The following STAU2 variants were observed in gnomAD, a reference collection of about 807,000 sequenced individuals.
STAU2 encodes staufen double-stranded RNA binding protein 2, also known as double-stranded RNA-binding protein Staufen homolog 2.
A neutral mutation model predicts 65.9 loss-of-function variants in STAU2; 20 were observed. The observed-to-expected ratio is 0.30, with a 90% CI of 0.21 to 0.44. The LOEUF is 0.44. Among genes scored for constraint, STAU2 ranks in the 20% least tolerant of loss-of-function variants. The pLI is 1.00. For missense variants in STAU2, 558 were observed against 683.9 expected (o/e 0.82, Z 2.05); for synonymous variants, 232 against 233.9 (o/e 0.99, Z 0.07).
intron 13 of STAU2, among the ~76,000 whole-genome samples, chr8:73,520,015 C>G (rs1043532997): frequency 6.6e-6 from 1 of 152,154 alleles, no homozygotes; most frequent in Non-Finnish European, 1.5e-5. Context: ...TCTGACAGAA[C>G]AATTAAAATT....
intron 9 of STAU2, among the ~76,000 whole-genome samples, chr8:73,607,720 A>T (rs535299899): frequency 6.6e-6 from 1 of 150,704 alleles, no homozygotes; most frequent in Non-Finnish European, 1.5e-5. Context: ...CTGGGCAACA[A>T]GAGCGAAACT....
chr8:73,453,412 G>A (rs1172543597), intron 13 of STAU2, among the ~76,000 whole-genome samples: 1 of 152,230 alleles, frequency 6.6e-6, no homozygotes, highest in East Asian at 1.9e-4. Context: ...ATCATTTGAT[G>A]TTACAAACAA....
intron 13 of STAU2, among the ~76,000 whole-genome samples, chr8:73,471,962 G>A (rs1820060552): frequency 6.6e-6 from 1 of 152,152 alleles, no homozygotes; most frequent in African/African-American, 2.4e-5. Flanking sequence ...GTGGAAGAGG[G>A]ACTTTCAGAT....
chr8:73,669,893 T>C (rs914942479), intron 6 of STAU2, among the ~76,000 whole-genome samples: 3 of 152,170 alleles, frequency 2.0e-5, no homozygotes, highest in African/African-American at 7.2e-5. Context: ...TTAAAAGTAA[T>C]AAATTCACTA....
chr8:73,711,925 G>T (rs1306957299), intron 3 of STAU2, among the ~76,000 whole-genome samples: 1 of 152,018 alleles, frequency 6.6e-6, no homozygotes, highest in Non-Finnish European at 1.5e-5. Flanking sequence ...TTTAAAAAGG[G>T]ATTAAAACAA....
chr8:73,648,822 T>C (rs1292507456), intron 6 of STAU2, among the ~76,000 whole-genome samples: 1 of 152,228 alleles, frequency 6.6e-6, no homozygotes, highest in Non-Finnish European at 1.5e-5. Flanking sequence ...TTTTTGTTTT[T>C]TAGAGACACA....
chr8:73,522,388 C>A (rs1353202636), intron 13 of STAU2, among the ~76,000 whole-genome samples: 8 of 152,130 alleles, frequency 5.3e-5, no homozygotes, highest in Admixed American at 3.3e-4. Flanking sequence ...AAGTATGTTG[C>A]TTTTAATAAC....
chr8:73,469,494 T>C (rs1236462387), intron 13 of STAU2, among the ~76,000 whole-genome samples: 1 of 148,440 alleles, frequency 6.7e-6, no homozygotes, highest in African/African-American at 2.5e-5. Flanking sequence ...AAAGAAAGTG[T>C]GTCTGGATGG....
intron 6 of STAU2, among the ~76,000 whole-genome samples, chr8:73,660,028 TA>T (rs1027903753): frequency 6.6e-6 from 1 of 151,942 alleles, no homozygotes; most frequent in African/African-American, 2.4e-5. Flanking sequence ...TCAATAGCAT[TA>T]AAAAAAAGTG....
intron 12 of STAU2, among the ~76,000 whole-genome samples, chr8:73,561,904 A>G (rs879699479): frequency 6.6e-6 from 1 of 152,198 alleles, no homozygotes; most frequent in Non-Finnish European, 1.5e-5. Context: ...CCTAAGACAC[A>G]GGTGATATGA....
chr8:73,524,811 A>G (rs954315525), intron 13 of STAU2, among the ~76,000 whole-genome samples: 4 of 152,168 alleles, frequency 2.6e-5, no homozygotes, highest in East Asian at 3.9e-4. Flanking sequence ...ATGTTTCCCT[A>G]TTTACTAGCA....
At chr8:73,520,143 T>C (rs927721523) in intron 13 of STAU2, among the ~76,000 whole-genome samples, 3 of 152,190 alleles carry the variant, frequency 2.0e-5, no homozygotes, top group Non-Finnish European at 1.5e-5. Context: ...TGGGTATAAG[T>C]ACAGGGTGAA....
chr8:73,704,771 C>T lies in STAU2; in HGVS notation c.114+4261G>A, dbSNP rs541100967. On this transcript the variant is annotated intron_variant, in intron 4 of 14. Coordinates refer to ENST00000524300, the MANE Select transcript of STAU2 (RefSeq NM_001164380.2). ...GCAACCTCCGCCTCCCAGGTTCAAG[C>T]AATTCTCCTGCCTCAGCCTCCCGAG... Among the ~76,000 whole-genome samples the T allele has an allele frequency of 7.2e-5, 11 of 152,260 alleles. No homozygotes were observed. In the South Asian group the frequency reaches 2.3e-3, roughly 32 times the overall value.
chr8:73,552,864 G>A (rs1807437678), intron 12 of STAU2, among the ~76,000 whole-genome samples: 1 of 152,128 alleles, frequency 6.6e-6, no homozygotes, highest in South Asian at 2.1e-4. Context: ...AAGCAAATGG[G>A]TATCATCTCA....
At chr8:73,468,584 A>G (rs1421587347) in intron 13 of STAU2, among the ~76,000 whole-genome samples, 3 of 152,348 alleles carry the variant, frequency 2.0e-5, no homozygotes, top group African/African-American at 7.2e-5. Context: ...TCCAGAATCT[A>G]CAAAGAACTC....
At chr8:73,524,524 T>C (rs936112604) in intron 13 of STAU2, among the ~76,000 whole-genome samples, 2 of 152,178 alleles carry the variant, frequency 1.3e-5, no homozygotes, top group Non-Finnish European at 2.9e-5. Flanking sequence ...ATGCACCAGG[T>C]AATGTATTCA....
intron 6 of STAU2, among the ~76,000 whole-genome samples, chr8:73,638,213 A>T (rs1172432797): frequency 6.6e-6 from 1 of 151,876 alleles, no homozygotes; most frequent in Non-Finnish European, 1.5e-5. Context: ...TATACTGTAT[A>T]AAATAAATAC....
At chr8:73,563,841 GAC>G (rs1808406593) in intron 12 of STAU2, among the ~76,000 whole-genome samples, 1 of 152,144 alleles carries the variant, frequency 6.6e-6, no homozygotes. Flanking sequence ...AGTCTTGGGT[GAC>G]ACCAGCAAGA....
intron 13 of STAU2, among the ~76,000 whole-genome samples, chr8:73,483,714 A>G (rs1479819254): frequency 6.6e-6 from 1 of 152,180 alleles, no homozygotes; most frequent in Admixed American, 6.5e-5. Context: ...AGCCAATAGG[A>G]AAAACAGAGG....
Sources: allele counts gnomAD v4.1 joint callset (sites outside exome capture counted in the v4.1 genomes callset), GRCh38; gene constraint gnomAD v4.1.1; transcripts MANE v1.5; gene names NCBI Gene and HGNC (gene_info 2026-07-23, HGNC 2026-07-21).